EXT1: variants seen among roughly 807,000 people sequenced by gnomAD.
The protein encoded by EXT1 is exostosin-1.
A neutral mutation model predicts 82.5 loss-of-function variants in EXT1; 20 were observed. That is an observed-to-expected ratio of 0.24 (90% CI 0.17 to 0.35). EXT1 has a LOEUF of 0.35. EXT1 is among the 10% of genes least tolerant of loss of function. EXT1 has a pLI of 1.00. For synonymous variants in EXT1, 348 were observed against 350.8 expected (o/e 0.99, Z 0.09); for missense variants, 757 against 936.5 (o/e 0.81, Z 2.50).
chr8:117,970,105 A>G (rs1389254663), intron 1 of EXT1, among the ~76,000 whole-genome samples: 1 of 152,208 alleles, frequency 6.6e-6, no homozygotes, highest in Non-Finnish European at 1.5e-5. Context: ...GGTGGAATTC[A>G]TGAACTGCCA....
intron 1 of EXT1, among the ~76,000 whole-genome samples, chr8:117,920,459 C>T (rs1048542703): frequency 2.6e-5 from 4 of 152,138 alleles, no homozygotes; most frequent in African/African-American, 9.7e-5. Context: ...AAATCACTTA[C>T]CAATAAGTAA....
intron 1 of EXT1, among the ~76,000 whole-genome samples, chr8:118,000,235 A>G (rs1249862614): frequency 6.6e-6 from 1 of 152,230 alleles, no homozygotes; most frequent in African/African-American, 2.4e-5. Flanking sequence ...GAAGGGCATC[A>G]GCATTAGGAA....
chr8:117,974,372 T>C (rs1815024403), intron 1 of EXT1, among the ~76,000 whole-genome samples: 1 of 152,188 alleles, frequency 6.6e-6, no homozygotes, highest in Non-Finnish European at 1.5e-5. Context: ...TTCCCTGCTG[T>C]AGTATCTCCT....
At chr8:117,830,109 G>T in intron 4 of EXT1, 121 bp downstream of exon 4, 1 of 1,267,236 alleles carries the variant, frequency 7.9e-7, no homozygotes, top group Non-Finnish European at 1.1e-6. Context: ...ATATATCCAA[G>T]TACAGGAATC....
intron 1 of EXT1, among the ~76,000 whole-genome samples, chr8:117,987,230 G>A (rs926956868): frequency 6.6e-6 from 1 of 152,160 alleles, no homozygotes; most frequent in African/African-American, 2.4e-5. Context: ...AAACCTGCTC[G>A]GGCTGGTCCT....
chr8:117,859,628 C>T (rs1057042995), intron 1 of EXT1, among the ~76,000 whole-genome samples: 8 of 152,196 alleles, frequency 5.3e-5, no homozygotes, highest in Non-Finnish European at 8.8e-5. Flanking sequence ...AAATACTCAA[C>T]AATGAAATGT....
At chr8:118,102,127 T>A in intron 1 of EXT1, among the ~76,000 whole-genome samples, 1 of 151,388 alleles carries the variant, frequency 6.6e-6, no homozygotes, top group East Asian at 1.9e-4. Context: ...ATTAGCCGGG[T>A]GTGGTGGTGG....
intron 1 of EXT1, among the ~76,000 whole-genome samples, chr8:118,066,184 C>T (rs2129953223): frequency 6.6e-6 from 1 of 152,272 alleles, no homozygotes; most frequent in African/African-American, 2.4e-5. Flanking sequence ...GACAGCAAGA[C>T]TAACCCCTCA....
At chr8:117,950,984 T>G (rs1814480683) in intron 1 of EXT1, among the ~76,000 whole-genome samples, 1 of 152,224 alleles carries the variant, frequency 6.6e-6, no homozygotes, top group Non-Finnish European at 1.5e-5. Context: ...GGAGCCTTAT[T>G]GATTTTTGGA....
At chr8:118,087,939 CAAAAA>C (rs10706033) in intron 1 of EXT1, among the ~76,000 whole-genome samples, 1 of 83,922 alleles carries the variant, frequency 1.2e-5, no homozygotes. Context: ...CGTTTCAGGG[CAAAAA>C]AAAAAAAAAA....
At chr8:117,910,476 G>A (rs1813624787) in intron 1 of EXT1, among the ~76,000 whole-genome samples, 1 of 152,170 alleles carries the variant, frequency 6.6e-6, no homozygotes, top group Non-Finnish European at 1.5e-5. Context: ...GCTTGAGACT[G>A]CCGAAAACAC....
At chr8:117,931,342 C>T (rs992474646) in intron 1 of EXT1, among the ~76,000 whole-genome samples, 2 of 152,052 alleles carry the variant, frequency 1.3e-5, no homozygotes, top group Non-Finnish European at 2.9e-5. Context: ...CATACATATG[C>T]CCTTCAAAGG....
At chr8:117,914,675 T>C (rs1040732290) in intron 1 of EXT1, among the ~76,000 whole-genome samples, 1 of 152,154 alleles carries the variant, frequency 6.6e-6, no homozygotes, top group African/African-American at 2.4e-5. Context: ...AGAACTGAGA[T>C]ATGCCCTGGT....
chr8:118,019,348 T>G (rs932215956), intron 1 of EXT1, among the ~76,000 whole-genome samples: 2 of 152,182 alleles, frequency 1.3e-5, no homozygotes, highest in African/African-American at 4.8e-5. Context: ...AGCACATGTA[T>G]CTCTAAATCG....
intron 1 of EXT1, among the ~76,000 whole-genome samples, chr8:117,967,288 G>A (rs563903994): frequency 6.6e-4 from 101 of 152,326 alleles, no homozygotes; most frequent in African/African-American, 2.2e-3. Context: ...TCTGAGGAAG[G>A]AGAGCTGTCT....
chr8:117,880,568 A>G (rs1460430134), intron 1 of EXT1, among the ~76,000 whole-genome samples: 1 of 151,192 alleles, frequency 6.6e-6, no homozygotes, highest in Non-Finnish European at 1.5e-5. Context: ...TTTAAAATAT[A>G]TATTGCTATG....
intron 1 of EXT1, among the ~76,000 whole-genome samples, chr8:117,885,604 T>C (rs898652994): frequency 6.6e-6 from 1 of 152,056 alleles, no homozygotes; most frequent in Non-Finnish European, 1.5e-5. Context: ...AACATACCAT[T>C]AGAGGAGGGG....
chr8:117,870,968 C>A (rs1280428106), intron 1 of EXT1, among the ~76,000 whole-genome samples: 1 of 151,888 alleles, frequency 6.6e-6, no homozygotes, highest in East Asian at 1.9e-4. Flanking sequence ...AAGGGTAAAG[C>A]AATAGAGAGA....
At chr8:117,988,202 T>C (rs1262369067) in intron 1 of EXT1, among the ~76,000 whole-genome samples, 1 of 152,268 alleles carries the variant, frequency 6.6e-6, no homozygotes, top group Non-Finnish European at 1.5e-5. Flanking sequence ...TCTTTCACAC[T>C]GTTATTTTTG....
Sources: gnomAD v4.1 joint callset for allele counts (sites outside exome capture counted in the v4.1 genomes callset) on GRCh38, gnomAD v4.1.1 for gene constraint, MANE v1.5 for transcripts, NCBI Gene and HGNC (gene_info 2026-07-23, HGNC 2026-07-21) for gene names.